The following EBF1 variants were observed in gnomAD, a reference collection of about 807,000 sequenced individuals.
EBF1 encodes the protein EBF transcription factor 1, also known as transcription factor COE1.
A neutral mutation model predicts 68.4 loss-of-function variants in EBF1; 10 were observed. That is an observed-to-expected ratio of 0.15 (90% confidence interval 0.09 to 0.25). EBF1 has a LOEUF of 0.25. EBF1 is among the 10% of genes least tolerant of loss of function. EBF1 has a pLI of 1.00. For synonymous variants in EBF1, 298 were observed against 299.8 expected, an observed-to-expected ratio of 0.99 and a Z score of 0.06; for missense variants, 509 against 794.4, an observed-to-expected ratio of 0.64 and a Z score of 4.32.
intron 7 of EBF1, among the ~76,000 whole-genome samples, chr5:158,824,742 G>A (rs1195302952): frequency 1.3e-5 from 2 of 152,226 alleles, no homozygotes; most frequent in Admixed American, 1.3e-4. Context: ...AAAACGCCAG[G>A]CCCTGGCCTA....
chr5:158,769,843 AT>A (rs1373445999), intron 10 of EBF1, among the ~76,000 whole-genome samples: 1 of 152,070 alleles, frequency 6.6e-6, no homozygotes, highest in African/African-American at 2.4e-5. Context: ...TTGGAGTAAT[AT>A]TTAAGACATG....
chr5:158,970,957 G>A (rs924257125), intron 6 of EBF1, among the ~76,000 whole-genome samples: 3 of 152,176 alleles, frequency 2.0e-5, no homozygotes, highest in African/African-American at 7.2e-5. Context: ...TAGCCTTACA[G>A]GGAGGTTCCC....
chr5:158,727,004 T>A (rs541627569), intron 11 of EBF1, among the ~76,000 whole-genome samples: 2 of 152,318 alleles, frequency 1.3e-5, no homozygotes, highest in Non-Finnish European at 2.9e-5. Flanking sequence ...AATTATCTCA[T>A]TAACACCTGA....
intron 5 of EBF1, among the ~76,000 whole-genome samples, chr5:159,081,118 A>C (rs1319713906): frequency 6.6e-6 from 1 of 151,950 alleles, no homozygotes; most frequent in Non-Finnish European, 1.5e-5. Flanking sequence ...GTAGCTGGGA[A>C]TACAGGCATG....
At chr5:159,075,582 C>T (rs538635476) in intron 5 of EBF1, among the ~76,000 whole-genome samples, 5 of 152,236 alleles carry the variant, frequency 3.3e-5, no homozygotes, top group African/African-American at 1.2e-4. Flanking sequence ...TTTCTCCTCC[C>T]CCACTACACC....
chr5:158,961,288 T>C (rs902338660), intron 6 of EBF1, among the ~76,000 whole-genome samples: 1 of 151,002 alleles, frequency 6.6e-6, no homozygotes, highest in Non-Finnish European at 1.5e-5. Context: ...GATCATCTCC[T>C]TCAATTCAAA....
At chr5:159,072,591 A>G (rs1778008475) in intron 6 of EBF1, among the ~76,000 whole-genome samples, 1 of 152,212 alleles carries the variant, frequency 6.6e-6, no homozygotes, top group South Asian at 2.1e-4. Flanking sequence ...GACAGTATCT[A>G]TAAACCTTCC....
chr5:158,700,676 C>A (rs1756551108), intron 15 of EBF1, among the ~76,000 whole-genome samples: 2 of 148,736 alleles, frequency 1.3e-5, no homozygotes, highest in East Asian at 4.0e-4. Context: ...AGTATTTTGC[C>A]AAACACTTTT....
chr5:159,060,719 T>C (rs1329067537), intron 6 of EBF1, among the ~76,000 whole-genome samples: 4 of 152,018 alleles, frequency 2.6e-5, no homozygotes, highest in African/African-American at 9.7e-5. Context: ...GACAGCAAAA[T>C]ATATATGGTA....
intron 6 of EBF1, among the ~76,000 whole-genome samples, chr5:158,891,321 G>T (rs1801129683): frequency 6.6e-6 from 1 of 152,170 alleles, no homozygotes; most frequent in African/African-American, 2.4e-5. Context: ...ATTGATTTCA[G>T]TGGGAACTGT....
chr5:158,823,466 C>T, intron 7 of EBF1, 149 bp from the exon 8 acceptor site: 1 of 767,870 alleles, frequency 1.3e-6, no homozygotes, highest in South Asian at 2.0e-5. Context: ...ACAAGTCTAA[C>T]AAGAGGAGCT....
In EBF1 at chr5:158,863,984, C is replaced by A. The variant is rs148437274; in HGVS notation, c.555-23874G>T. ...TGGTGGCTCATGCCTATAATTCCAG[C>A]ATTTTGGGAGACTGAGGCAGGTGGA... On this transcript the variant is annotated intron_variant, in intron 6 of 15. Transcript: ENST00000313708. Among the ~76,000 whole-genome samples the A allele has an allele frequency of 4.7e-3, 717 of 151,332 alleles. 9 individuals carry two copies. Among genetic ancestry groups the A allele is most frequent in the African/African-American group, 0.017 (688 of 41,214 alleles).
At position 158,777,556 on chromosome 5, in the gene EBF1, G is replaced by C. The variant is rs773956369; in HGVS notation, c.910-17C>G. On this transcript the variant is annotated splice_polypyrimidine_tract_variant and intron_variant, in intron 9 of 15. Coordinates refer to ENST00000313708, the MANE Select transcript of EBF1 (RefSeq NM_024007.5). ...AGTGATCAACTGGAGGAGACATTTG[G>C]GGGGAAAAATTGTCATTGCAATAGT... 9 of 1,580,288 alleles carry C rather than the reference G, an allele frequency of 5.7e-6. No homozygotes were observed. The highest frequency in any genetic ancestry group is 1.8e-5 in the Admixed American group (1 of 56,266).
chr5:159,089,905 G>T (rs867421450), intron 4 of EBF1, among the ~76,000 whole-genome samples: 4 of 151,892 alleles, frequency 2.6e-5, no homozygotes, highest in African/African-American at 9.7e-5. Flanking sequence ...AGGAAGAAAG[G>T]ATTGGAGGGA....
chr5:159,014,527 A>G (rs1765298481), intron 6 of EBF1, among the ~76,000 whole-genome samples: 1 of 152,208 alleles, frequency 6.6e-6, no homozygotes, highest in African/African-American at 2.4e-5. Context: ...CATCATTTTC[A>G]TTTTATAGAT....
At chr5:158,699,698 C>G (rs1356024154) in intron 15 of EBF1, among the ~76,000 whole-genome samples, 2 of 152,150 alleles carry the variant, frequency 1.3e-5, no homozygotes, top group Non-Finnish European at 2.9e-5. Context: ...GCCTTGTTCA[C>G]TGGGAACATA....
chr5:159,053,246 G>A (rs1199574542), intron 6 of EBF1, among the ~76,000 whole-genome samples: 1 of 152,190 alleles, frequency 6.6e-6, no homozygotes, highest in Non-Finnish European at 1.5e-5. Flanking sequence ...TTCCTCATCT[G>A]TAAAATGGGA....
chr5:158,880,729 T>C (rs1798757021), intron 6 of EBF1, among the ~76,000 whole-genome samples: 1 of 152,164 alleles, frequency 6.6e-6, no homozygotes, highest in African/African-American at 2.4e-5. Context: ...GTTGTGCACA[T>C]TTTTCTAGAC....
intron 6 of EBF1, among the ~76,000 whole-genome samples, chr5:158,981,367 C>T (rs1314283373): frequency 6.6e-6 from 1 of 151,990 alleles, no homozygotes; most frequent in African/African-American, 2.4e-5. Flanking sequence ...TTTTAAGGTG[C>T]TTTTTTATAA....
Sources: gnomAD v4.1 joint callset for allele counts (sites outside exome capture counted in the v4.1 genomes callset) on GRCh38, gnomAD v4.1.1 for gene constraint, MANE v1.5 for transcripts, NCBI Gene and HGNC (gene_info 2026-07-23, HGNC 2026-07-21) for gene names.